MAPT: variants seen among roughly 807,000 people sequenced by gnomAD.
MAPT encodes the protein microtubule associated protein tau.
Under a neutral mutation model 67.9 loss-of-function variants are expected in MAPT, and 34 were observed. The observed-to-expected ratio is 0.50, with a 90% CI of 0.38 to 0.67. MAPT has a LOEUF of 0.67. Ranked by LOEUF, MAPT falls within the 30% of genes least tolerant of loss-of-function variation. The pLI, the probability that MAPT is intolerant of heterozygous loss-of-function variation, is 0.00. For missense variants in MAPT, 881 were observed against 1,115.2 expected (o/e 0.79, Z 2.99); for synonymous variants, 456 against 464.5 (o/e 0.98, Z 0.23).
chr17:45,908,046 T>C (rs898001677), intron 1 of MAPT: 7 of 152,234 alleles, frequency 4.6e-5, no homozygotes, highest in African/African-American at 1.7e-4. Flanking sequence ...TGCTAAGGAC[T>C]GGAGAAGCCA....
chr17:45,960,240 A>AT (rs901125416), intron 1 of MAPT, among the ~76,000 whole-genome samples: 1 of 152,192 alleles, frequency 6.6e-6, no homozygotes, highest in African/African-American at 2.4e-5. Flanking sequence ...CTTCAAGGCC[A>AT]TTTTTCACGA....
intron 1 of MAPT, among the ~76,000 whole-genome samples, chr17:45,913,897 T>C (rs1394470543): frequency 6.6e-6 from 1 of 152,118 alleles, no homozygotes; most frequent in Non-Finnish European, 1.5e-5. Flanking sequence ...CCACCACCCT[T>C]GGGCTTTCAT....
At chr17:45,901,996 T>TC (rs529809224) in intron 1 of MAPT, among the ~76,000 whole-genome samples, 1 of 152,130 alleles carries the variant, frequency 6.6e-6, no homozygotes, top group South Asian at 2.1e-4. Context: ...TCCAAAACAT[T>TC]CAACTAAATT....
At chr17:45,989,301 C>T (rs969464755) in intron 6 of MAPT, among the ~76,000 whole-genome samples, 5 of 152,206 alleles carry the variant, frequency 3.3e-5, no homozygotes, top group Admixed American at 3.3e-4. Flanking sequence ...TAACATCCAA[C>T]AGGCTGGAGA....
chr17:45,900,931 A>G (rs1480470561), intron 1 of MAPT, among the ~76,000 whole-genome samples: 3 of 152,220 alleles, frequency 2.0e-5, no homozygotes, highest in Non-Finnish European at 4.4e-5. Context: ...AGTAAATGGC[A>G]TCATCGGCGG....
chr17:45,919,197 C>T (rs554966018), intron 1 of MAPT, among the ~76,000 whole-genome samples: 4 of 152,306 alleles, frequency 2.6e-5, no homozygotes, highest in East Asian at 1.9e-4. Context: ...GCTGCAGCAC[C>T]GCTCAGCCCT....
intron 1 of MAPT, among the ~76,000 whole-genome samples, chr17:45,942,480 T>C (rs551516587): frequency 4.6e-5 from 7 of 152,374 alleles, no homozygotes; most frequent in African/African-American, 1.7e-4. Context: ...TCGTGGGTAC[T>C]GTCAAACAAG....
At chr17:45,998,698 C>T (rs1290875167) in intron 9 of MAPT, among the ~76,000 whole-genome samples, 3 of 152,146 alleles carry the variant, frequency 2.0e-5, no homozygotes, top group African/African-American at 7.2e-5. Context: ...ACAGGTGACC[C>T]AGGGCCTCTG....
At chr17:45,900,481 G>A (rs577997185) in intron 1 of MAPT, among the ~76,000 whole-genome samples, 3 of 152,170 alleles carry the variant, frequency 2.0e-5, no homozygotes, top group Admixed American at 2.0e-4. Context: ...CAACTTCCAT[G>A]TATAGTCCCT....
At chr17:46,019,395 C>A (rs2076384313) in intron 12 of MAPT, among the ~76,000 whole-genome samples, 1 of 152,118 alleles carries the variant, frequency 6.6e-6, no homozygotes, top group Non-Finnish European at 1.5e-5. Flanking sequence ...CCATATCAGT[C>A]TCCCTCTGTC....
At chr17:45,935,652 G>A (rs1465432583) in intron 1 of MAPT, among the ~76,000 whole-genome samples, 2 of 152,074 alleles carry the variant, frequency 1.3e-5, no homozygotes, top group South Asian at 2.1e-4. Context: ...TCTCTGATCC[G>A]GGCTCTTCCA....
chr17:45,996,623 G>A lies in MAPT; in HGVS notation c.1957G>A (p.Gly653Ser), dbSNP rs1342068350. 11 of 1,613,952 alleles carry A rather than the reference G, an allele frequency of 6.8e-6. No homozygotes were observed. The highest frequency in any genetic ancestry group is 8.5e-6 in the Non-Finnish European group (10 of 1,179,944). ...CCTGAAGAATGTCAAGTCCAAGATC[G>A]GCTCCACTGAGAACCTGAAGCACCA... ...PDLKNVKSKI[G>S]STENLKHQPG... is the part of the protein sequence containing the mutation. The change falls in exon 9 of 13, where the codon GGC becomes AGC. Residue 653 changes from glycine (G) to serine (S), a missense_variant. Physicochemically the swap from Gly to Ser is moderately conservative, Grantham distance 56. This residue lies in a region of MAPT where 45 missense variants were observed against 43.2 expected (regional missense o/e 1.04). Transcript: ENST00000262410. This position sits in a 1 kb window ranked among gnomAD's most constrained non-coding sequence, Gnocchi z 4.5.
intron 12 of MAPT, among the ~76,000 whole-genome samples, chr17:46,022,897 T>TGATA (rs35156373): frequency 0.03 from 4,551 of 152,178 alleles, 189 homozygotes; most frequent in African/African-American, 0.091. Flanking sequence ...GGTAGATGAT[T>TGATA]GATAGATAGA....
At position 45,995,128 on chromosome 17, in the gene MAPT, T is replaced by G. The variant is rs1023565190; in HGVS notation, c.1733-1271T>G. On this transcript the variant is annotated intron_variant, in intron 8 of 12. Transcript: ENST00000262410. The surrounding 1 kb of genome is among the most constrained non-coding windows in gnomAD (Gnocchi z 4.3). The stretch of plus-strand genomic sequence containing the variant: ...GTCACTGGCCAAGCTGCCCATTGGC[T>G]ACATGGGTGCTTCAAAGAGCTGCCC... Among the ~76,000 whole-genome samples, 1 of 152,126 alleles carries G rather than the reference T, an allele frequency of 6.6e-6. No homozygotes were observed. The highest frequency in any genetic ancestry group is 6.5e-5 in the Admixed American group (1 of 15,272).
chr17:45,932,127 G>T (rs867037793), intron 1 of MAPT: 1 of 151,762 alleles, frequency 6.6e-6, no homozygotes, highest in Non-Finnish European at 1.5e-5. Flanking sequence ...CCAGGTGGTC[G>T]CACAGAATGA....
chr17:46,012,023 G>C (rs985714515), intron 10 of MAPT, among the ~76,000 whole-genome samples: 4 of 152,136 alleles, frequency 2.6e-5, no homozygotes, highest in Admixed American at 2.0e-4. Context: ...GAAGAGGTGT[G>C]TGCCGCCCCC....
intron 1 of MAPT, among the ~76,000 whole-genome samples, chr17:45,922,732 A>T (rs749607716): frequency 7.2e-5 from 11 of 152,296 alleles, no homozygotes; most frequent in Admixed American, 1.3e-4. Flanking sequence ...GATAGGGCCA[A>T]TGTTGGGACT....
In MAPT at chr17:46,016,499, C is replaced by T. The variant is rs142630796; in HGVS notation, c.2174-2119C>T. On this transcript the variant is annotated intron_variant, in intron 11 of 12. Coordinates refer to ENST00000262410, the MANE Select transcript of MAPT (RefSeq NM_001377265.1). ...AGAAATTAGTGCTGTCGGCCAGGCG[C>T]GGTGGCTCATGCCTGTAATCGCAGC... is the stretch of plus-strand genomic sequence containing the variant. Among the ~76,000 whole-genome samples the T allele has an allele frequency of 5.3e-4, 80 of 152,242 alleles. 1 individual carries two copies. The highest frequency in any genetic ancestry group is 2.7e-3 in the South Asian group (13 of 4,814).
At chr17:45,937,534 T>G (rs901418280) in intron 1 of MAPT, among the ~76,000 whole-genome samples, 1 of 145,736 alleles carries the variant, frequency 6.9e-6, no homozygotes, top group Non-Finnish European at 1.5e-5. Context: ...GAGGTTACAG[T>G]AAGCTGTGAT....
Sources: allele counts gnomAD v4.1 joint callset (sites outside exome capture counted in the v4.1 genomes callset), GRCh38; gene constraint gnomAD v4.1.1; regional missense constraint gnomAD v4.1.1; non-coding constraint Gnocchi (gnomAD v3.1); transcripts MANE v1.5; gene names NCBI Gene and HGNC (gene_info 2026-07-23, HGNC 2026-07-21).